Variants in CHST11 observed in about 807,000 individuals in gnomAD.
CHST11 encodes carbohydrate sulfotransferase 11, also known as C4S-1.
A neutral mutation model predicts 30.4 loss-of-function variants in CHST11; 9 were observed. The observed-to-expected ratio is 0.30, with a 90% CI of 0.18 to 0.52. The LOEUF (loss-of-function observed/expected upper bound fraction) is 0.52, where lower values mean the gene tolerates loss of function less well. CHST11 is among the 20% of genes least tolerant of loss of function. The pLI, the probability that CHST11 is intolerant of heterozygous loss-of-function variation, is 0.97. For synonymous variants in CHST11, 152 were observed against 187.8 expected (o/e 0.81, Z 1.56); for missense variants, 348 against 460.6 (o/e 0.76, Z 2.24).
intron 1 of CHST11, among the ~76,000 whole-genome samples, chr12:104,537,609 T>G (rs191006850): frequency 6.6e-6 from 1 of 152,318 alleles, no homozygotes. Flanking sequence ...TATTTTTAAT[T>G]TGGAATAGGT....
intron 1 of CHST11, among the ~76,000 whole-genome samples, chr12:104,537,234 A>T (rs1434251431): frequency 6.6e-6 from 1 of 152,162 alleles, no homozygotes; most frequent in African/African-American, 2.4e-5. Context: ...GTCATCTTGG[A>T]TTGGGATTAT....
chr12:104,632,411 C>T (rs761061466), intron 2 of CHST11, among the ~76,000 whole-genome samples: 6 of 152,214 alleles, frequency 3.9e-5, no homozygotes, highest in Admixed American at 6.5e-5. Flanking sequence ...TGGTGGAATT[C>T]TGTGCAAGGG....
At chr12:104,748,855 A>G (rs2040408898) in intron 2 of CHST11, among the ~76,000 whole-genome samples, 1 of 152,146 alleles carries the variant, frequency 6.6e-6, no homozygotes, top group African/African-American at 2.4e-5. Context: ...TGGGAGGAGA[A>G]CCCAGCAAGC....
intron 2 of CHST11, among the ~76,000 whole-genome samples, chr12:104,626,235 A>G (rs2039213300): frequency 6.6e-6 from 1 of 152,204 alleles, no homozygotes; most frequent in Admixed American, 6.5e-5. Flanking sequence ...TTTCCCACTA[A>G]TTATGACTGG....
Position 104,722,097 on chromosome 12 carries a change from G to T in CHST11, c.205-34852G>T, listed in dbSNP as rs142306999. Among the ~76,000 whole-genome samples the T allele has an allele frequency of 6.1e-3, 921 of 151,612 alleles. 15 individuals carry two copies. The highest frequency in any genetic ancestry group is 0.021 in the African/African-American group (864 of 41,202). On this transcript the variant is annotated intron_variant, in intron 2 of 2. Coordinates refer to ENST00000303694, the MANE Select transcript of CHST11 (RefSeq NM_018413.6). Reference sequence around the variant, plus strand: ...TGGACCTCCCAGGCTCAAACCATCCGCTCCCCTCAGTCCCTGGAGTAGCTG... The same window carrying T: ...TGGACCTCCCAGGCTCAAACCATCCTCTCCCCTCAGTCCCTGGAGTAGCTG...
At chr12:104,690,242 C>T (rs540396163) in intron 2 of CHST11, among the ~76,000 whole-genome samples, 16 of 152,282 alleles carry the variant, frequency 1.1e-4, no homozygotes, top group African/African-American at 3.4e-4. Context: ...GTGGAGTTGA[C>T]GGAAAGAATT....
intron 1 of CHST11, among the ~76,000 whole-genome samples, chr12:104,494,408 T>C (rs2037779529): frequency 6.6e-6 from 1 of 152,226 alleles, no homozygotes; most frequent in African/African-American, 2.4e-5. Context: ...AATGTCTCAG[T>C]GATAACATCT....
chr12:104,728,122 G>A (rs559773704), intron 2 of CHST11, among the ~76,000 whole-genome samples: 4 of 152,204 alleles, frequency 2.6e-5, no homozygotes, highest in Admixed American at 1.3e-4. Context: ...TACATCAGGA[G>A]AGTCTTCACT....
chr12:104,697,097 C>T (rs2039953896), intron 2 of CHST11, among the ~76,000 whole-genome samples: 1 of 152,246 alleles, frequency 6.6e-6, no homozygotes, highest in Non-Finnish European at 1.5e-5. Context: ...GCATGTCTGC[C>T]TTCAGATGCA....
intron 1 of CHST11, among the ~76,000 whole-genome samples, chr12:104,571,557 G>A (rs1023604032): frequency 4.6e-5 from 7 of 152,222 alleles, no homozygotes; most frequent in Non-Finnish European, 1.0e-4. Context: ...CTGAAGTGCT[G>A]TGGACACTTT....
intron 2 of CHST11, among the ~76,000 whole-genome samples, chr12:104,706,462 G>GGA (rs150610226): frequency 0.043 from 6,300 of 145,256 alleles, 396 homozygotes; most frequent in East Asian, 0.27. Context: ...GGATGGAGAG[G>GGA]GAGAGAGAGA....
chr12:104,552,707 G>A (rs1011829733), intron 1 of CHST11: 3 of 152,098 alleles, frequency 2.0e-5, no homozygotes, highest in African/African-American at 7.2e-5. Flanking sequence ...CAAATCTAAA[G>A]TAGCTCCCAC....
At chr12:104,568,697 T>A (rs1008455726) in intron 1 of CHST11, among the ~76,000 whole-genome samples, 1 of 152,100 alleles carries the variant, frequency 6.6e-6, no homozygotes, top group Non-Finnish European at 1.5e-5. Flanking sequence ...GGCAGTATTA[T>A]CTCCATTTTA....
At chr12:104,714,453 C>T (rs1275177737) in intron 2 of CHST11, among the ~76,000 whole-genome samples, 1 of 152,082 alleles carries the variant, frequency 6.6e-6, no homozygotes, top group Non-Finnish European at 1.5e-5. Flanking sequence ...TCTGTCAGGG[C>T]TGGGGCAAAG....
intron 2 of CHST11, among the ~76,000 whole-genome samples, chr12:104,733,261 G>T (rs189882028): frequency 3.1e-4 from 47 of 152,370 alleles, no homozygotes; most frequent in Middle Eastern, 3.4e-3. Flanking sequence ...CTGGAGTCTA[G>T]CTTTCCAGAT....
At chr12:104,609,609 T>A (rs1381699563) in intron 2 of CHST11, among the ~76,000 whole-genome samples, 1 of 152,050 alleles carries the variant, frequency 6.6e-6, no homozygotes, top group Admixed American at 6.6e-5. Context: ...AACTGGGGAG[T>A]CCCAGCCCAG....
intron 1 of CHST11, among the ~76,000 whole-genome samples, chr12:104,459,010 T>G (rs1029488933): frequency 2.6e-5 from 4 of 152,180 alleles, no homozygotes; most frequent in African/African-American, 9.7e-5. Context: ...GAGCAGTTGT[T>G]AAGGCAGCCA....
rs1565981108 is a variant in CHST11, at chr12:104,544,137, A to AG, written c.119-57769_119-57768insG. On this transcript the variant is annotated intron_variant, in intron 1 of 2. Coordinates refer to ENST00000303694, the MANE Select transcript of CHST11 (RefSeq NM_018413.6). Reference sequence around the variant, plus strand: ...AGACCCTGTCTGTTAAAAAAAAAAAAAAAAGAAAGAAAGAAAGAAAGAAAG... The same window carrying AG: ...AGACCCTGTCTGTTAAAAAAAAAAAAGAAAAGAAAGAAAGAAAGAAAGAAAG... 5.9e-3 allele frequency among the ~76,000 whole-genome samples: 222 copies of AG among 37,664 alleles called. 1 individual carries two copies. The highest frequency in any genetic ancestry group is 0.014 in the Admixed American group (38 of 2,622). The allele number at this position is 37,664 out of a possible 152,430, so 24.7% of individuals were successfully genotyped here. A position where few individuals can be genotyped will look rare whatever the true frequency, so the allele number is the denominator to read the frequency against.
In CHST11 at chr12:104,758,903, C is replaced by A. The variant is rs1043362228; in HGVS notation, c.*1100C>A. The A allele has an allele frequency of 2.6e-5, 4 of 152,172 alleles. No individual in the cohort carries two copies. Among genetic ancestry groups the A allele is most frequent in the African/African-American group, 9.7e-5 (4 of 41,444 alleles). 9.4% of individuals were successfully genotyped at this position (152,172 alleles called of 1,614,324 possible). On this transcript the variant is annotated 3_prime_UTR_variant, in exon 3 of 3. Coordinates refer to ENST00000303694, the MANE Select transcript of CHST11 (RefSeq NM_018413.6). ...TGCTCCAACTGATGGGTAATGTCTG[C>A]CTTTAAGCCCCAGAATGGATTCTCC...
Sources: gnomAD v4.1 joint callset for allele counts (sites outside exome capture counted in the v4.1 genomes callset) on GRCh38, gnomAD v4.1.1 for gene constraint, MANE v1.5 for transcripts, NCBI Gene and HGNC (gene_info 2026-07-23, HGNC 2026-07-21) for gene names.